The following PKP2 variants were observed in gnomAD, a reference collection of about 807,000 sequenced individuals.
PKP2 encodes plakophilin 2, also known as plakophilin-2.
In PKP2, 73 loss-of-function variants were observed where a neutral mutation model predicts 83.4. The observed-to-expected ratio is 0.88, with a 90% confidence interval of 0.72 to 1.06. The LOEUF is 1.06. PKP2 is among the 50% of genes least tolerant of loss of function. PKP2 has a pLI of 0.00. For synonymous variants in PKP2, 409 were observed against 430.4 expected (o/e 0.95, Z 0.62); for missense variants, 966 against 1,065.4 (o/e 0.91, Z 1.30).
Position 32,841,100 on chromosome 12 carries a change from G to A in PKP2, c.1484C>T (p.Pro495Leu), listed in dbSNP as rs1395919753. The change falls in exon 6 of 13, where the codon CCT (proline) becomes CTT (leucine). Residue 495 changes from proline to leucine, a missense_variant. Coordinates refer to ENST00000340811, the MANE Select transcript of PKP2 (RefSeq NM_001005242.3). ...ATTTGCTTTTGGGTAGTCTCCTTCA[G>A]GCCACCCAGAAAAGGGGATGATGAT... is the stretch of plus-strand genomic sequence containing the variant. ...ENIIIPFSGW[P>L]EGDYPKANGL... 1.9e-6 allele frequency: 3 copies of A among 1,613,700 alleles called. No individual in the cohort carries two copies. The Admixed American group carries it at 5.0e-5, about 27-fold the overall frequency.
chr12:32,886,713 T>C (rs1165137283), intron 1 of PKP2, among the ~76,000 whole-genome samples: 1 of 152,208 alleles, frequency 6.6e-6, no homozygotes, highest in Non-Finnish European at 1.5e-5. Flanking sequence ...TATAGTTGGC[T>C]GGGCAGGGTG....
At chr12:32,802,287 A>T in intron 10 of PKP2, 116 bp downstream of exon 10, 1 of 1,047,280 alleles carries the variant, frequency 9.5e-7, no homozygotes, top group Non-Finnish European at 1.5e-6. Flanking sequence ...TTTATCACCT[A>T]CTCCTTACTC....
rs1250140346 is a variant in PKP2, at chr12:32,896,701, C to A, written c.31G>T (p.Gly11Cys). 2.0e-6 allele frequency: 3 copies of A among 1,504,454 alleles called. No individual in the cohort carries two copies. The allele number at this position is 1,504,454 out of a possible 1,614,324, so 93.2% of individuals were successfully genotyped here. Residue 11 changes from glycine to cysteine, a missense_variant, in exon 1 of 13, where the codon GGC becomes TGC. Coordinates refer to ENST00000340811, the MANE Select transcript of PKP2 (RefSeq NM_001005242.3). ...TGGCCCAGGACGGTCCGGATGTAGC[C>A]GTACTCAGCTGGGGCGCCGGGGGCT... is the stretch of plus-strand genomic sequence containing the variant. MAAPGAPAEY[G>C]YIRTVLGQQI...
chr12:32,796,314 A>C lies in PKP2; in HGVS notation c.2168-16T>G, dbSNP rs746498808. Reference sequence around the variant, plus strand: ...GTTTCTTTGGCTACAAAATGAAAAAAAAAACAAAACACTTGATTAAAAAGA... The same window carrying C: ...GTTTCTTTGGCTACAAAATGAAAAACAAAACAAAACACTTGATTAAAAAGA... On this transcript the variant is annotated splice_polypyrimidine_tract_variant and intron_variant, in intron 10 of 12. Coordinates refer to ENST00000340811, the MANE Select transcript of PKP2 (RefSeq NM_001005242.3). 33 of 1,593,186 alleles carry C rather than the reference A, an allele frequency of 2.1e-5. No individual in the cohort carries two copies. The highest frequency in any genetic ancestry group is 2.7e-5 in the Non-Finnish European group (31 of 1,164,040).
intron 1 of PKP2, 139 bp downstream of exon 1, chr12:32,896,370 G>T: frequency 3.3e-6 from 2 of 604,094 alleles, no homozygotes; most frequent in East Asian, 3.2e-5. Flanking sequence ...AAGCAAGTCG[G>T]TCATACCGAA....
intron 6 of PKP2, among the ~76,000 whole-genome samples, chr12:32,831,704 C>CA (rs1185046568): frequency 1.3e-5 from 2 of 152,092 alleles, no homozygotes; most frequent in Non-Finnish European, 2.9e-5. Context: ...GTCTCTTTAG[C>CA]AAAGAGAAGT....
At chr12:32,796,009 G>T in intron 11 of PKP2, 100 bp downstream of exon 11, 1 of 1,055,382 alleles carries the variant, frequency 9.5e-7, no homozygotes, top group South Asian at 1.3e-5. Flanking sequence ...CTGCCATGTT[G>T]CACATGATGG....
chr12:32,875,273 T>G (rs1343436963), intron 3 of PKP2, among the ~76,000 whole-genome samples: 2 of 152,182 alleles, frequency 1.3e-5, no homozygotes, highest in Non-Finnish European at 2.9e-5. Context: ...AGGTGGTATC[T>G]GAGCTAAATC....
chr12:32,809,559 T>G (rs556398542), intron 9 of PKP2, among the ~76,000 whole-genome samples: 1 of 152,222 alleles, frequency 6.6e-6, no homozygotes, highest in Non-Finnish European at 1.5e-5. Flanking sequence ...CTTGGCTCCC[T>G]GGATTCAGCC....
At chr12:32,819,318 A>C (rs540058783) in intron 9 of PKP2, among the ~76,000 whole-genome samples, 469 of 145,310 alleles carry the variant, frequency 3.2e-3, no homozygotes, top group South Asian at 4.7e-3. Context: ...CAATACAATA[A>C]AATAAAATAA....
chr12:32,880,985 A>G (rs1239315820), intron 1 of PKP2, among the ~76,000 whole-genome samples: 2 of 152,200 alleles, frequency 1.3e-5, no homozygotes, highest in Non-Finnish European at 1.5e-5. Context: ...TTGAGAATAC[A>G]ACAACACAGG....
At chr12:32,894,441 G>A (rs1481851188) in intron 1 of PKP2, 1 of 152,180 alleles carries the variant, frequency 6.6e-6, no homozygotes, top group African/African-American at 2.4e-5. Flanking sequence ...CACAGGTGAT[G>A]CATTACTTTG....
intron 5 of PKP2, among the ~76,000 whole-genome samples, chr12:32,844,850 A>G (rs1316520523): frequency 1.3e-5 from 2 of 152,220 alleles, no homozygotes; most frequent in East Asian, 3.8e-4. Flanking sequence ...TCAGGAACTT[A>G]TATTTTAAAA....
intron 4 of PKP2, among the ~76,000 whole-genome samples, chr12:32,856,334 T>C (rs1053183139): frequency 3.3e-5 from 5 of 152,062 alleles, no homozygotes; most frequent in Admixed American, 3.3e-4. Flanking sequence ...TAGGAATGGA[T>C]AAGAATGGAG....
chr12:32,815,365 T>C (rs1382685944), intron 9 of PKP2, among the ~76,000 whole-genome samples: 1 of 152,186 alleles, frequency 6.6e-6, no homozygotes, highest in African/African-American at 2.4e-5. Context: ...AATTCTCTAT[T>C]TTACAACTCT....
chr12:32,886,910 G>A (rs1186362542), intron 1 of PKP2, among the ~76,000 whole-genome samples: 1 of 151,980 alleles, frequency 6.6e-6, no homozygotes, highest in African/African-American at 2.4e-5. Flanking sequence ...GAGGTGGGTG[G>A]ATTGCTTGAG....
At chr12:32,822,688 G>T in intron 7 of PKP2, 57 bp from the exon 8 acceptor site, 3 of 1,563,274 alleles carry the variant, frequency 1.9e-6, no homozygotes, top group Non-Finnish European at 2.6e-6. Context: ...TTGCAGGTGT[G>T]ATATCACAGG....
chr12:32,885,959 G>A (rs1011743623), intron 1 of PKP2, among the ~76,000 whole-genome samples: 1 of 152,160 alleles, frequency 6.6e-6, no homozygotes, highest in African/African-American at 2.4e-5. Flanking sequence ...CTAGCACTGA[G>A]TGTGGTTTAA....
At chr12:32,817,446 C>T (rs1031278242) in intron 9 of PKP2, among the ~76,000 whole-genome samples, 1 of 152,180 alleles carries the variant, frequency 6.6e-6, no homozygotes, top group Non-Finnish European at 1.5e-5. Context: ...TATTTTTCTA[C>T]TGGGCTGTCC....
Sources: gnomAD v4.1 joint callset for allele counts (sites outside exome capture counted in the v4.1 genomes callset) on GRCh38, gnomAD v4.1.1 for gene constraint, MANE v1.5 for transcripts, NCBI Gene and HGNC (gene_info 2026-07-23, HGNC 2026-07-21) for gene names.